Variants in JAKMIP1 observed in about 807,000 individuals in gnomAD.
The protein encoded by JAKMIP1 is janus kinase and microtubule interacting protein 1, also known as janus kinase and microtubule-interacting protein 1.
A neutral mutation model predicts 113.0 loss-of-function variants in JAKMIP1; 33 were observed. The observed-to-expected ratio is 0.29, with a 90% CI of 0.22 to 0.39. JAKMIP1 has a LOEUF of 0.39. Among genes scored for constraint, JAKMIP1 ranks in the 10% least tolerant of loss-of-function variants. The pLI is 1.00. For synonymous variants in JAKMIP1, 480 were observed against 459.9 expected, an observed-to-expected ratio of 1.04 and a Z score of -0.56; for missense variants, 813 against 1,080.5, an observed-to-expected ratio of 0.75 and a Z score of 3.47.
chr4:6,071,369 G>A (rs1296744603), intron 8 of JAKMIP1, among the ~76,000 whole-genome samples: 5 of 152,080 alleles, frequency 3.3e-5, no homozygotes, highest in Admixed American at 1.3e-4. Context: ...CTGGAGGGGC[G>A]GGGCTGCAAT....
Position 6,170,008 on chromosome 4 carries a change from A to ATT in JAKMIP1, c.-148+30244_-148+30245insAA, listed in dbSNP as rs1560314353. On this transcript the variant is annotated intron_variant, in intron 1 of 20. Transcript: ENST00000409021. ...CACCACCACCACCACCACCACCACC[A>ATT]CCCTCACCACCACCACATTCCCATC... is the stretch of plus-strand genomic sequence containing the variant. Among the ~76,000 whole-genome samples the ATT allele has an allele frequency of 8.7e-3, 1,038 of 119,178 alleles. 10 individuals are homozygous for ATT. The highest frequency in any genetic ancestry group is 0.034 in the African/African-American group (964 of 28,720). The allele number at this position is 119,178 out of a possible 152,430, so 78.2% of individuals were successfully genotyped here.
At position 6,112,923 on chromosome 4, in the gene JAKMIP1, C is replaced by G. The variant is rs546054451; in HGVS notation, c.-73G>C. ...CACGCACGCCAGCCAGCAGGCGTGG[C>G]TACCAGCTCCACCGTGCTAACCAGT... On this transcript the variant is annotated 5_prime_UTR_variant, in exon 2 of 21. Coordinates refer to ENST00000409021, the MANE Select transcript of JAKMIP1 (RefSeq NM_001099433.2). 8.5e-5 allele frequency: 133 copies of G among 1,561,388 alleles called. No homozygotes were observed. The highest frequency in any genetic ancestry group is 5.0e-4 in the South Asian group (43 of 85,380).
At chr4:6,196,134 A>G (rs369627147) in intron 1 of JAKMIP1, among the ~76,000 whole-genome samples, 109 of 152,102 alleles carry the variant, frequency 7.2e-4, no homozygotes, top group Admixed American at 2.0e-3. Flanking sequence ...CCCCTCCCAC[A>G]CTCTGAACTG....
intron 1 of JAKMIP1, among the ~76,000 whole-genome samples, chr4:6,126,734 C>A (rs1353869057): frequency 6.6e-6 from 1 of 151,004 alleles, no homozygotes; most frequent in African/African-American, 2.4e-5. Context: ...AATGCACACA[C>A]ACACACCAGG....
Position 6,082,048 on chromosome 4 carries a change from ATATC to A in JAKMIP1, c.955-297_955-294del, listed in dbSNP as rs567963944. On this transcript the variant is annotated intron_variant, in intron 5 of 20. Coordinates refer to ENST00000409021, the MANE Select transcript of JAKMIP1 (RefSeq NM_001099433.2). ...ATGGAAAGAATTAGAAACAACTTAAATATCTATCAATATCATGATAACCACAGGC... is the reference window on the plus strand; with the variant it reads ...ATGGAAAGAATTAGAAACAACTTAAATATCAATATCATGATAACCACAGGC... Among the ~76,000 whole-genome samples, 20 of 152,266 alleles carry A rather than the reference ATATC, an allele frequency of 1.3e-4. No individual in the cohort carries two copies. In the South Asian group the frequency reaches 2.1e-3, roughly 16 times the overall value.
Position 6,040,783 on chromosome 4 carries a change from C to T in JAKMIP1, c.2098-67G>A, listed in dbSNP as rs1186469259. ...AGGAATCCATGACAGCTTCAGAGCCCGTTTGCTAGAGAGTGGCAGTCTCAC... is the reference window on the plus strand; with the variant it reads ...AGGAATCCATGACAGCTTCAGAGCCTGTTTGCTAGAGAGTGGCAGTCTCAC... On this transcript the variant is annotated intron_variant, in intron 17 of 20. Coordinates refer to ENST00000409021, the MANE Select transcript of JAKMIP1 (RefSeq NM_001099433.2). This position sits in a 1 kb window ranked among gnomAD's most constrained non-coding sequence, Gnocchi z 5.8. 15 of 1,293,076 alleles carry T rather than the reference C, an allele frequency of 1.2e-5. No individual in the cohort carries two copies. Among genetic ancestry groups the T allele is most frequent in the East Asian group, 7.1e-5 (3 of 42,212 alleles). The allele number at this position is 1,293,076 out of a possible 1,614,324, so 80.1% of individuals were successfully genotyped here.
chr4:6,048,986 G>A (rs1715326774), intron 15 of JAKMIP1, 64 bp from the exon 16 acceptor site: 3 of 1,246,968 alleles, frequency 2.4e-6, no homozygotes, highest in Non-Finnish European at 3.5e-6. Flanking sequence ...CAGACAGTCA[G>A]CACCAAGCAA....
rs114594815 is a variant in JAKMIP1 at position 6,054,713 on chromosome 4, C to T, written c.1708-565G>A. ...CTGCATCCCAGACCCAGCTGGGAGA[C>T]GCTGGATCACTCAGCCCACTACTCC... On this transcript the variant is annotated intron_variant, in intron 12 of 20. Coordinates refer to ENST00000409021, the MANE Select transcript of JAKMIP1 (RefSeq NM_001099433.2). 2.7e-3 allele frequency: 1,247 copies of T among 456,418 alleles called. 11 individuals are homozygous for T. Among genetic ancestry groups the T allele is most frequent in the African/African-American group, 0.021 (1,054 of 50,196 alleles). 28.3% of individuals were successfully genotyped at this position (456,418 alleles called of 1,614,324 possible). A position where few individuals can be genotyped will look rare whatever the true frequency, so the allele number is the denominator to read the frequency against.
intron 1 of JAKMIP1, among the ~76,000 whole-genome samples, chr4:6,161,660 G>T (rs1052388088): frequency 6.6e-6 from 1 of 152,098 alleles, no homozygotes; most frequent in African/African-American, 2.4e-5. Flanking sequence ...TTGGACTCAG[G>T]AAGTCCACCT....
rs971239160 is a variant in JAKMIP1, at chr4:6,135,545, C to T, written c.-147-22548G>A. On this transcript the variant is annotated intron_variant, in intron 1 of 20. Coordinates refer to ENST00000409021, the MANE Select transcript of JAKMIP1 (RefSeq NM_001099433.2). The surrounding 1 kb of genome is among the most constrained non-coding windows in gnomAD (Gnocchi z 4.9). ...CCTTGAGCTGCCCGACCCCACTCCA[C>T]GGACGGGGATTTCCCAGGTCCAGCC... 3.9e-5 allele frequency among the ~76,000 whole-genome samples: 6 copies of T among 152,144 alleles called. No homozygotes were observed. Among genetic ancestry groups the T allele is most frequent in the Non-Finnish European group, 7.3e-5 (5 of 68,028 alleles).
Position 6,139,061 on chromosome 4 carries a change from CACACACACACACACACACACACATAT to C in JAKMIP1, c.-147-26090_-147-26065del, listed in dbSNP as rs1363433247. ...TGCATGTGACATCATTAGAAACACA[CACACACACACACACACACACACATAT>C]ACACACACACACACACACCAGCAGG... On this transcript the variant is annotated intron_variant, in intron 1 of 20. Transcript: ENST00000409021. This position sits in a 1 kb window ranked among gnomAD's most constrained non-coding sequence, Gnocchi z 5.2. Among the ~76,000 whole-genome samples the C allele has an allele frequency of 9.5e-5, 13 of 136,238 alleles. No individual in the cohort carries two copies. Among genetic ancestry groups the C allele is most frequent in the East Asian group, 2.0e-4 (1 of 5,016 alleles). The allele number at this position is 136,238 out of a possible 152,430, so 89.4% of individuals were successfully genotyped here.
Position 6,188,128 on chromosome 4 carries a change from T to G in JAKMIP1, c.-148+12125A>C, listed in dbSNP as rs1318262110. Among the ~76,000 whole-genome samples, 1 of 152,240 alleles carries G rather than the reference T, an allele frequency of 6.6e-6. No homozygotes were observed. The highest frequency in any genetic ancestry group is 2.4e-5 in the African/African-American group (1 of 41,470). On this transcript the variant is annotated intron_variant, in intron 1 of 20. Coordinates refer to ENST00000409021, the MANE Select transcript of JAKMIP1 (RefSeq NM_001099433.2). The surrounding 1 kb of genome is among the most constrained non-coding windows in gnomAD (Gnocchi z 5.8). The stretch of plus-strand genomic sequence containing the variant: ...CAGTAAATGGGAGCCAATCAATTAT[T>G]TATCCAAGAGTCTCTGAACACCATC...
chr4:6,058,195 C>G lies in JAKMIP1; in HGVS notation c.1645-1436G>C, dbSNP rs1459027278. Among the ~76,000 whole-genome samples the G allele has an allele frequency of 2.6e-5, 4 of 152,206 alleles. No individual in the cohort carries two copies. The East Asian group carries it at 7.7e-4, about 29-fold the overall frequency. Reference sequence around the variant, plus strand: ...AGGCCACACAGAGAGGACCTACCCCCCTGGGGGAGGCTAAGTGTGGCAAGT... The same window carrying G: ...AGGCCACACAGAGAGGACCTACCCCGCTGGGGGAGGCTAAGTGTGGCAAGT... On this transcript the variant is annotated intron_variant, in intron 11 of 20. Coordinates refer to ENST00000409021, the MANE Select transcript of JAKMIP1 (RefSeq NM_001099433.2).
rs573930324 is a variant in JAKMIP1, at chr4:6,089,136, C to A, written c.625-3507G>T. On this transcript the variant is annotated intron_variant, in intron 3 of 20. Coordinates refer to ENST00000409021, the MANE Select transcript of JAKMIP1 (RefSeq NM_001099433.2). The surrounding 1 kb of genome is among the most constrained non-coding windows in gnomAD (Gnocchi z 5.3). ...GGGACCTGGCACAGTGGTGGCATCC[C>A]CCCAGCACAGCATGAGAGCCCACAG... Among the ~76,000 whole-genome samples the A allele has an allele frequency of 6.6e-6, 1 of 152,274 alleles. No homozygotes were observed. Among genetic ancestry groups the A allele is most frequent in the African/African-American group, 2.4e-5 (1 of 41,552 alleles).
chr4:6,161,315 G>GGCCTCTCCTCCCCTA (rs1349538096), intron 1 of JAKMIP1, among the ~76,000 whole-genome samples: 2 of 137,418 alleles, frequency 1.5e-5, no homozygotes, highest in Admixed American at 1.5e-4. Context: ...TGACTTCTAT[G>GGCCTCTCCTCCCCTA]GCCTCCACTC....
intron 8 of JAKMIP1, among the ~76,000 whole-genome samples, chr4:6,072,304 A>G (rs1188901604): frequency 3.3e-5 from 5 of 152,202 alleles, no homozygotes; most frequent in Non-Finnish European, 1.5e-5. Context: ...TCCAGGGTAC[A>G]TTCTTAACCT....
intron 1 of JAKMIP1, among the ~76,000 whole-genome samples, chr4:6,182,312 G>C (rs562011230): frequency 6.6e-6 from 1 of 151,946 alleles, no homozygotes; most frequent in South Asian, 2.1e-4. Flanking sequence ...GGGAGGCTGA[G>C]GTGGGAGGAT....
chr4:6,105,448 G>A (rs747180651), intron 3 of JAKMIP1, 25 bp downstream of exon 3: 2 of 1,559,148 alleles, frequency 1.3e-6, no homozygotes, highest in Non-Finnish European at 8.7e-7. Context: ...GCGTGCCCGC[G>A]GGCGGGGGAG....
intron 1 of JAKMIP1, among the ~76,000 whole-genome samples, chr4:6,182,268 G>A (rs1186715964): frequency 2.0e-5 from 3 of 151,868 alleles, no homozygotes; most frequent in African/African-American, 7.3e-5. Context: ...AATTAGTCAG[G>A]TGTGGTGGTG....
Sources: gnomAD v4.1 joint callset for allele counts (sites outside exome capture counted in the v4.1 genomes callset) on GRCh38, gnomAD v4.1.1 for gene constraint, Gnocchi (gnomAD v3.1) non-coding constraint, MANE v1.5 for transcripts, NCBI Gene and HGNC (gene_info 2026-07-23, HGNC 2026-07-21) for gene names.